The following DNAH8 variants were observed in gnomAD, a reference collection of about 807,000 sequenced individuals.
DNAH8 encodes axonemal beta dynein heavy chain 8.
A neutral mutation model predicts 562.1 loss-of-function variants in DNAH8; 382 were observed. That is an observed-to-expected ratio of 0.68 (90% CI 0.63 to 0.74). The LOEUF is 0.74. Ranked by LOEUF, DNAH8 falls within the 30% of genes least tolerant of loss-of-function variation. The probability of loss-of-function intolerance (pLI) is 0.00; values close to 1 mark genes in which losing one functional copy is unlikely to be tolerated. For missense variants in DNAH8, 5,203 were observed against 5,620.4 expected, an observed-to-expected ratio of 0.93 and a Z score of 2.37; for synonymous variants, 1,881 against 1,919.4, an observed-to-expected ratio of 0.98 and a Z score of 0.52.
At chr6:38,782,158 C>T (rs941455000) in intron 16 of DNAH8, among the ~76,000 whole-genome samples, 3 of 151,920 alleles carry the variant, frequency 2.0e-5, no homozygotes, top group African/African-American at 7.3e-5. Context: ...AGTCCCTACT[C>T]GGGGGACTCA....
In DNAH8 at chr6:38,783,055, T is replaced by C; in HGVS notation, c.2311T>C (p.Tyr771His). 5 of 1,613,826 alleles carry C rather than the reference T, an allele frequency of 3.1e-6. No individual in the cohort carries two copies. The highest frequency in any genetic ancestry group is 3.4e-6 in the Non-Finnish European group (4 of 1,179,698). Residue 771 changes from tyrosine (Y) to histidine (H), a missense_variant, in exon 17 of 93, where the codon TAT becomes CAT. By Grantham distance (83) the Tyr-to-His change is moderately conservative. This residue lies in a region of DNAH8 where 2,176 missense variants were observed against 2,365.1 expected (regional missense o/e 0.92). Transcript: ENST00000327475. Reference protein sequence around the residue: ...SPDGKAVIRQYNKISYVLVEF... With the variant: ...SPDGKAVIRQHNKISYVLVEF... ...GGACGGTAAAGCTGTCATCCGTCAG[T>C]ATAACAAGATCTCCTATGTGCTGGT...
intron 26 of DNAH8, 87 bp downstream of exon 26, chr6:38,815,744 T>A: frequency 8.2e-7 from 1 of 1,216,604 alleles, no homozygotes; most frequent in Non-Finnish European, 1.1e-6. Flanking sequence ...ATATGTTTGA[T>A]ACCTTTTGCA....
chr6:38,749,862 C>T (rs1045694976), intron 8 of DNAH8, among the ~76,000 whole-genome samples: 1 of 152,160 alleles, frequency 6.6e-6, no homozygotes, highest in African/African-American at 2.4e-5. Context: ...GACAAAGTCT[C>T]ACTCTGTTGT....
intron 85 of DNAH8, among the ~76,000 whole-genome samples, chr6:38,980,542 C>T (rs905361710): frequency 9.2e-5 from 14 of 152,098 alleles, no homozygotes; most frequent in African/African-American, 3.4e-4. Context: ...TAGTCTAAGC[C>T]CCAGATAACA....
chr6:38,751,374 T>C (rs1475953522), intron 9 of DNAH8, among the ~76,000 whole-genome samples: 1 of 152,214 alleles, frequency 6.6e-6, no homozygotes, highest in Non-Finnish European at 1.5e-5. Flanking sequence ...TGTTGTATTC[T>C]ATTGGCTAGA....
At chr6:38,855,284 G>C (rs1776105713) in intron 41 of DNAH8, among the ~76,000 whole-genome samples, 1 of 152,056 alleles carries the variant, frequency 6.6e-6, no homozygotes, top group South Asian at 2.1e-4. Flanking sequence ...ATAGGTGATG[G>C]GTTGATAGGT....
At chr6:38,741,670 A>G in intron 7 of DNAH8, 41 bp from the exon 8 acceptor site, 1 of 1,502,674 alleles carries the variant, frequency 6.7e-7, no homozygotes, top group South Asian at 1.3e-5. Flanking sequence ...AACAAAGAAG[A>G]ATGTAACATT....
Position 38,719,500 on chromosome 6 carries a change from C to G in DNAH8, c.-34-3276C>G, listed in dbSNP as rs568526957. Among the ~76,000 whole-genome samples the G allele has an allele frequency of 4.6e-5, 7 of 152,240 alleles. No individual in the cohort carries two copies. In the South Asian group the frequency reaches 1.4e-3, roughly 31 times the overall value. On this transcript the variant is annotated intron_variant, in intron 1 of 92. Transcript: ENST00000327475. ...ACATGAGGTATTTGGTTTTCTGTTTCTGTGTTAGTTCACTTAGGATAATGG... is the reference window on the plus strand; with the variant it reads ...ACATGAGGTATTTGGTTTTCTGTTTGTGTGTTAGTTCACTTAGGATAATGG...
At position 38,917,878 on chromosome 6, in the gene DNAH8, GA is replaced by G. The variant is rs552847161; in HGVS notation, c.10309-44del. The G allele has an allele frequency of 2.3e-5, 33 of 1,413,360 alleles. No individual in the cohort carries two copies. In the East Asian group the frequency reaches 6.7e-4, roughly 29 times the overall value. The allele number at this position is 1,413,360 out of a possible 1,614,324, so 87.6% of individuals were successfully genotyped here. A position where few individuals can be genotyped will look rare whatever the true frequency, so the allele number is the denominator to read the frequency against. On this transcript the variant is annotated intron_variant, in intron 69 of 92. Transcript: ENST00000327475. ...TTAGAAGTACATATTAACTCAGGAA[GA>G]AAGTATTTTCTTCCAGAACTTACAG... is the stretch of plus-strand genomic sequence containing the variant.
chr6:38,936,063 C>T (rs1344740188), intron 77 of DNAH8, among the ~76,000 whole-genome samples: 1 of 149,390 alleles, frequency 6.7e-6, no homozygotes, highest in Non-Finnish European at 1.5e-5. Context: ...TGCTCTGTCT[C>T]CCAAGCCAGA....
At chr6:38,865,334 G>A (rs1292315117) in intron 45 of DNAH8, among the ~76,000 whole-genome samples, 1 of 152,212 alleles carries the variant, frequency 6.6e-6, no homozygotes, top group Admixed American at 6.5e-5. Flanking sequence ...TTGATTATAA[G>A]TCAGGAAGTG....
At chr6:39,026,370 TC>T (rs1767282561) in intron 91 of DNAH8, among the ~76,000 whole-genome samples, 175 bp from the exon 92 acceptor site, 1 of 152,166 alleles carries the variant, frequency 6.6e-6, no homozygotes, top group Non-Finnish European at 1.5e-5. Context: ...TCATTGCAGG[TC>T]CCCACAGAAA....
chr6:38,985,342 C>A (rs868676198), intron 87 of DNAH8, among the ~76,000 whole-genome samples: 1 of 152,106 alleles, frequency 6.6e-6, no homozygotes, highest in Non-Finnish European at 1.5e-5. Flanking sequence ...TTATTAAATT[C>A]TTTATATTGG....
intron 44 of DNAH8, 100 bp downstream of exon 44, chr6:38,862,558 A>C (rs1006377659): frequency 7.4e-7 from 1 of 1,359,494 alleles, no homozygotes; most frequent in African/African-American, 1.5e-5. Flanking sequence ...ATCTCATATA[A>C]TCTACATTAG....
At position 38,850,418 on chromosome 6, in the gene DNAH8, A is replaced by T. The variant is rs745592082; in HGVS notation, c.5363+4A>T. Reference sequence around the variant, plus strand: ...TATGTCAGAAGTCACTCACAGGGTAAGAGTTTAATTTTTAAATCACATATC... The same window carrying T: ...TATGTCAGAAGTCACTCACAGGGTATGAGTTTAATTTTTAAATCACATATC... On this transcript the variant is annotated splice_donor_region_variant and intron_variant, in intron 38 of 92. Transcript: ENST00000327475. The T allele has an allele frequency of 6.8e-6, 11 of 1,609,504 alleles. No individual in the cohort carries two copies. Among genetic ancestry groups the T allele is most frequent in the Admixed American group, 3.4e-5 (2 of 59,312 alleles).
Position 38,862,356 on chromosome 6 carries a change from A to C in DNAH8, c.6208A>C (p.Thr2070Pro). ...CGCAGGACCTGCTGGCACTGGCAAA[A>C]CAGAAACCACAAAAGACATGGGAAG... is the stretch of plus-strand genomic sequence containing the variant. ...APAGPAGTGKTETTKDMGRCL... is the reference protein window; with the variant it reads ...APAGPAGTGKPETTKDMGRCL... Residue 2070 changes from threonine (T) to proline (P), a missense_variant, in exon 44 of 93, where the codon ACA becomes CCA. By Grantham distance (38) the Thr-to-Pro change is conservative. Transcript: ENST00000327475. 1 of 1,614,194 alleles carries C rather than the reference A, an allele frequency of 6.2e-7. No individual in the cohort carries two copies. Among genetic ancestry groups the C allele is most frequent in the Non-Finnish European group, 8.5e-7 (1 of 1,180,020 alleles).
chr6:38,928,882 T>G (rs968235906), intron 74 of DNAH8, among the ~76,000 whole-genome samples: 1 of 152,166 alleles, frequency 6.6e-6, no homozygotes, highest in African/African-American at 2.4e-5. Flanking sequence ...CTATTTTAAC[T>G]AATAACAAAC....
At chr6:38,926,681 T>A (rs1782148276) in intron 74 of DNAH8, among the ~76,000 whole-genome samples, 1 of 152,214 alleles carries the variant, frequency 6.6e-6, no homozygotes, top group Non-Finnish European at 1.5e-5. Context: ...TTAGGGATTC[T>A]GTTACTATTG....
intron 91 of DNAH8, among the ~76,000 whole-genome samples, chr6:39,018,919 T>C (rs1277425953): frequency 6.6e-6 from 1 of 152,150 alleles, no homozygotes; most frequent in Non-Finnish European, 1.5e-5. Context: ...GAGTCTGATT[T>C]GGGGGTGTGT....
Sources: allele counts gnomAD v4.1 joint callset (sites outside exome capture counted in the v4.1 genomes callset), GRCh38; gene constraint gnomAD v4.1.1; regional missense constraint gnomAD v4.1.1; transcripts MANE v1.5; gene names NCBI Gene and HGNC (gene_info 2026-07-23, HGNC 2026-07-21).